SREBF1: variants seen among roughly 807,000 people sequenced by gnomAD.
SREBF1 encodes sterol regulatory element-binding protein 1.
Under a neutral mutation model 100.1 loss-of-function variants are expected in SREBF1, and 45 were observed. The ratio of observed to expected loss-of-function variants is 0.45; its 90% confidence interval spans 0.35 to 0.58. The LOEUF (loss-of-function observed/expected upper bound fraction) is 0.58, where lower values mean the gene tolerates loss of function less well. Ranked by LOEUF, SREBF1 falls within the 20% of genes least tolerant of loss-of-function variation. The pLI is 0.00. For synonymous variants in SREBF1, 657 were observed against 681.8 expected, an observed-to-expected ratio of 0.96 and a Z score of 0.57; for missense variants, 1,324 against 1,539.4, an observed-to-expected ratio of 0.86 and a Z score of 2.34.
intron 1 of SREBF1, among the ~76,000 whole-genome samples, chr17:17,825,189 C>G (rs1004682575): frequency 1.3e-5 from 2 of 152,250 alleles, no homozygotes; most frequent in Non-Finnish European, 1.5e-5. Flanking sequence ...TAGCCTGAGA[C>G]AGCAGGGCCA....
chr17:17,813,857 G>A (rs751021350), intron 16 of SREBF1, 88 bp from the exon 17 acceptor site: 35 of 1,338,826 alleles, frequency 2.6e-5, no homozygotes, highest in East Asian at 1.8e-4. Flanking sequence ...GGCCGGCTCC[G>A]GGCTGCACTG....
At chr17:17,822,437 G>A (rs1169962647) in intron 1 of SREBF1, among the ~76,000 whole-genome samples, 1 of 152,214 alleles carries the variant, frequency 6.6e-6, no homozygotes, top group African/African-American at 2.4e-5. Flanking sequence ...TTTCATCTCT[G>A]TAAAAGCAAG....
At position 17,819,678 on chromosome 17, in the gene SREBF1, C is replaced by A. The variant is rs1045698706; in HGVS notation, c.571G>T (p.Ala191Ser). The A allele has an allele frequency of 1.6e-5, 26 of 1,611,248 alleles. No homozygotes were observed. The highest frequency in any genetic ancestry group is 2.2e-5 in the Non-Finnish European group (26 of 1,179,140). The change falls in exon 3 of 19, where the codon GCT becomes TCT. Residue 191 changes from alanine (A) to serine (S), a missense_variant. By Grantham distance (99) the Ala-to-Ser change is moderately conservative. Transcript: ENST00000261646. The stretch of plus-strand genomic sequence containing the variant: ...ACGGGCGGGACCCCTGGCGGGGAAG[C>A]CAGTGGCAGGCCAGGCAGCGGCTGC... ...TQQPLPGLPL[A>S]SPPGVPPVSL...
Position 17,820,597 on chromosome 17 carries a change from C to T in SREBF1, c.92-76G>A, listed in dbSNP as rs2034029859. On this transcript the variant is annotated intron_variant, in intron 1 of 18. Transcript: ENST00000261646. ...ACAGGGCATCACACACATCCAAACA[C>T]AACCTTATTTGCACAACCCTTGTTG... 2.7e-6 allele frequency: 4 copies of T among 1,493,648 alleles called. No individual in the cohort carries two copies. In the Admixed American group the frequency reaches 5.4e-5, roughly 20 times the overall value. The allele number at this position is 1,493,648 out of a possible 1,614,324, so 92.5% of individuals were successfully genotyped here. A position where few individuals can be genotyped will look rare whatever the true frequency, so the allele number is the denominator to read the frequency against.
Position 17,812,577 on chromosome 17 carries a change from C to T in SREBF1, c.*45G>A. On this transcript the variant is annotated 3_prime_UTR_variant, in exon 19 of 19. Coordinates refer to ENST00000261646, the MANE Select transcript of SREBF1 (RefSeq NM_004176.5). ...GACGCAGGACAGAAGCTGCACGGGACCAAAGTGGCTAGAGACAGGGGTGCT... is the reference window on the plus strand; with the variant it reads ...GACGCAGGACAGAAGCTGCACGGGATCAAAGTGGCTAGAGACAGGGGTGCT... The T allele has an allele frequency of 1.3e-6, 2 of 1,551,468 alleles. No individual in the cohort carries two copies. Among genetic ancestry groups the T allele is most frequent in the East Asian group, 2.4e-5 (1 of 41,640 alleles).
In SREBF1 at chr17:17,815,865, T is replaced by C. The variant is rs775360484; in HGVS notation, c.2378A>G (p.Asn793Ser). Residue 793 changes from asparagine to serine, a missense_variant, in exon 12 of 19, where the codon AAC becomes AGC. By Grantham distance (46) the Asn-to-Ser change is conservative (BLOSUM62 1). Transcript: ENST00000261646. Reference protein sequence around the residue: ...PWESLYSLAGNPVDPLAQVTQ... With the variant: ...PWESLYSLAGSPVDPLAQVTQ... ...GGGAAGGGGTAAGAGAGCACCTGGG[T>C]TCCCGGCCAAGCTGTACAGGCTCTC... is the stretch of plus-strand genomic sequence containing the variant. 6.2e-5 allele frequency: 100 copies of C among 1,612,296 alleles called. 1 individual carries two copies. The East Asian group carries it at 1.8e-3, about 28-fold the overall frequency.
Position 17,814,634 on chromosome 17 carries a change from G to C in SREBF1, c.2716C>G (p.Arg906Gly). ...RLCPLVEHLPRVLQESERPLP... is the reference protein window; with the variant it reads ...RLCPLVEHLPGVLQESERPLP... ...ACTCACTCAGACTCCTGCAGCACCC[G>C]GGGCAGGTGCTCCACCAGCGGGCAC... Residue 906 changes from arginine (R) to glycine (G), a missense_variant, in exon 15 of 19, where the codon CGG becomes GGG. Transcript: ENST00000261646. 1 of 1,546,900 alleles carries C rather than the reference G, an allele frequency of 6.5e-7. No individual in the cohort carries two copies. Among genetic ancestry groups the C allele is most frequent in the Non-Finnish European group, 8.7e-7 (1 of 1,150,784 alleles).
At chr17:17,833,962 C>T (rs1321964934) in intron 1 of SREBF1, among the ~76,000 whole-genome samples, 1 of 151,528 alleles carries the variant, frequency 6.6e-6, no homozygotes, top group Non-Finnish European at 1.5e-5. Context: ...AAGAGCGAGA[C>T]CCTGTCTCAA....
At position 17,824,108 on chromosome 17, in the gene SREBF1, C is replaced by T. The variant is rs1474360056; in HGVS notation, c.92-3587G>A. On this transcript the variant is annotated intron_variant, in intron 1 of 18. Transcript: ENST00000261646. The surrounding 1 kb of genome is among the most constrained non-coding windows in gnomAD (Gnocchi z 4.2). ...CTCCAGAAAACAGGACAGTCATTAT[C>T]TCCCTGGCGTCGAATGGTAGAAGGG... 6.6e-6 allele frequency among the ~76,000 whole-genome samples: 1 copy of T among 152,136 alleles called. No homozygotes were observed. Among genetic ancestry groups the T allele is most frequent in the Non-Finnish European group, 1.5e-5 (1 of 68,036 alleles).
rs1237373530 is a variant in SREBF1 at position 17,836,754 on chromosome 17, C to G, written c.64G>C (p.Asp22His). ...TCGATGTCGGTCAGCAGCGCCGCGT[C>G]CAGATCGCACGGCTCGCCCAGCGCC... ...EQALGEPCDL[D>H]AALLTDIEDM... Residue 22 changes from aspartate to histidine, a missense_variant, in exon 1 of 19, where the codon GAC (aspartate) becomes CAC (histidine). By Grantham distance (81) the Asp-to-His change is moderately conservative. Transcript: ENST00000261646. 2.5e-6 allele frequency: 4 copies of G among 1,572,816 alleles called. No homozygotes were observed. Among genetic ancestry groups the G allele is most frequent in the Non-Finnish European group, 3.4e-6 (4 of 1,167,318 alleles).
chr17:17,815,448 G>T, intron 12 of SREBF1, 119 bp from the exon 13 acceptor site: 1 of 773,336 alleles, frequency 1.3e-6, no homozygotes, highest in Non-Finnish European at 2.2e-6. Flanking sequence ...GTGCCGGCAT[G>T]CCCCTGGGTG....
intron 6 of SREBF1, 59 bp downstream of exon 6, chr17:17,818,201 G>A: frequency 6.9e-7 from 1 of 1,459,570 alleles, no homozygotes; most frequent in Non-Finnish European, 9.6e-7. Flanking sequence ...GGTGGGGCCG[G>A]GAGGTGGAGC....
At chr17:17,818,457 G>T (rs982035230) in intron 5 of SREBF1, 83 bp from the exon 6 acceptor site, 9 of 957,324 alleles carry the variant, frequency 9.4e-6, no homozygotes, top group African/African-American at 8.1e-5. Context: ...TAGCAAGGGG[G>T]TGCGGAGCTG....
In SREBF1 at chr17:17,816,272, C is replaced by T. The variant is rs771622611; in HGVS notation, c.2149G>A (p.Glu717Lys). The change falls in exon 11 of 19, where the codon GAG becomes AAG. Residue 717 changes from glutamate (E) to lysine (K), a missense_variant. Glu to Lys is a moderately conservative substitution (Grantham distance 56). Coordinates refer to ENST00000261646, the MANE Select transcript of SREBF1 (RefSeq NM_004176.5). Reference sequence around the variant, plus strand: ...CTCAATGCAGCCGCCACATAGATCTCGGCCAGCGTCGCCACAGACACGGCA... The same window carrying T: ...CTCAATGCAGCCGCCACATAGATCTTGGCCAGCGTCGCCACAGACACGGCA... The part of the protein sequence containing the change: ...GDAVSVATLA[E>K]IYVAAALRVK... 2 of 1,595,932 alleles carry T rather than the reference C, an allele frequency of 1.3e-6. No individual in the cohort carries two copies. The highest frequency in any genetic ancestry group is 2.3e-5 in the East Asian group (1 of 43,940).
At position 17,819,530 on chromosome 17, in the gene SREBF1, C is replaced by A; in HGVS notation, c.711+8G>T. The A allele has an allele frequency of 6.2e-7, 1 of 1,613,572 alleles. No individual in the cohort carries two copies. Among genetic ancestry groups the A allele is most frequent in the Non-Finnish European group, 8.5e-7 (1 of 1,179,968 alleles). On this transcript the variant is annotated splice_region_variant and intron_variant, in intron 3 of 18. Transcript: ENST00000261646. ...CCCCCTCCCCAACCCCTGGCCAGACCCCCTCACCGGGACCTGCTGGATCTG... is the reference window on the plus strand; with the variant it reads ...CCCCCTCCCCAACCCCTGGCCAGACACCCTCACCGGGACCTGCTGGATCTG...
intron 12 of SREBF1, 30 bp downstream of exon 12, chr17:17,815,828 GGA>G: frequency 6.2e-7 from 1 of 1,600,512 alleles, no homozygotes; most frequent in South Asian, 1.1e-5. Flanking sequence ...ATGAGGGACA[GGA>G]GAGGGGACAG....
At chr17:17,829,205 A>AAAAAAAAAAAAAAAAATATAT (rs1210718799) in intron 1 of SREBF1, among the ~76,000 whole-genome samples, 1 of 65,874 alleles carries the variant, frequency 1.5e-5, no homozygotes, top group African/African-American at 8.8e-5. Flanking sequence ...AAAAAAAAAA[A>AAAAAAAAAAAAAAAAATATAT]ATATATATAT....
At chr17:17,818,229 C>A (rs763659053) in intron 6 of SREBF1, 31 bp downstream of exon 6, 2 of 1,585,882 alleles carry the variant, frequency 1.3e-6, no homozygotes, top group African/African-American at 2.7e-5. Flanking sequence ...GAGAAGAGGC[C>A]AGACTGGAGC....
chr17:17,829,534 CA>C (rs1306713711), intron 1 of SREBF1, among the ~76,000 whole-genome samples: 1 of 152,134 alleles, frequency 6.6e-6, no homozygotes, highest in Non-Finnish European at 1.5e-5. Context: ...TGCTTTCACT[CA>C]CATTTCCAAG....
Sources: gnomAD v4.1 joint callset for allele counts (sites outside exome capture counted in the v4.1 genomes callset) on GRCh38, gnomAD v4.1.1 for gene constraint, Gnocchi (gnomAD v3.1) non-coding constraint, MANE v1.5 for transcripts, NCBI Gene and HGNC (gene_info 2026-07-23, HGNC 2026-07-21) for gene names.